Variants in ASTN2 observed in about 807,000 individuals in gnomAD.
The protein encoded by ASTN2 is astrotactin-2.
In ASTN2, 54 loss-of-function variants were observed where a neutral mutation model predicts 139.8. That is an observed-to-expected ratio of 0.39 (90% CI 0.31 to 0.48). The LOEUF (loss-of-function observed/expected upper bound fraction) is 0.48, where lower values mean the gene tolerates loss of function less well. Ranked by LOEUF, ASTN2 falls within the 20% of genes least tolerant of loss-of-function variation. The probability of loss-of-function intolerance (pLI) is 0.95; values close to 1 mark genes in which losing one functional copy is unlikely to be tolerated. For synonymous variants in ASTN2, 756 were observed against 719.5 expected (o/e 1.05, Z -0.81); for missense variants, 1,565 against 1,725.1 (o/e 0.91, Z 1.64).
rs772040148 is a variant in ASTN2, at chr9:116,547,972, C to T, written c.3356-60472G>A. 6.1e-4 allele frequency among the ~76,000 whole-genome samples: 93 copies of T among 152,282 alleles called. 1 individual carries two copies. Among genetic ancestry groups the T allele is most frequent in the Admixed American group, 1.4e-3 (22 of 15,294 alleles). On this transcript the variant is annotated intron_variant, in intron 19 of 22. Coordinates refer to ENST00000313400, the MANE Select transcript of ASTN2 (RefSeq NM_001365068.1). ...ACACTCCCAACTCACCCCCACACAC[C>T]CTGCCCACCTGTCTCCACTCCTTGC...
intron 2 of ASTN2, among the ~76,000 whole-genome samples, chr9:117,232,563 C>A (rs2133059192): frequency 6.6e-6 from 1 of 152,286 alleles, no homozygotes; most frequent in East Asian, 1.9e-4. Context: ...TTTGCCAAGT[C>A]CTCCAAACTA....
chr9:116,578,840 G>T (rs1564130311), intron 19 of ASTN2: 1 of 151,952 alleles, frequency 6.6e-6, no homozygotes. Context: ...ATTGTCCACA[G>T]AATTACAGAA....
At chr9:117,162,562 A>G (rs114451509) in intron 3 of ASTN2, among the ~76,000 whole-genome samples, 1 of 152,208 alleles carries the variant, frequency 6.6e-6, no homozygotes, top group African/African-American at 2.4e-5. Context: ...GCCAGACTGT[A>G]TGAGCTCCAA....
intron 1 of ASTN2, among the ~76,000 whole-genome samples, chr9:117,369,620 AC>A: frequency 6.6e-6 from 1 of 152,240 alleles, no homozygotes; most frequent in South Asian, 2.1e-4. Context: ...TTTAGACTAA[AC>A]ACTCTTTGAA....
intron 7 of ASTN2, among the ~76,000 whole-genome samples, chr9:117,003,233 G>GACTATTT (rs1837241689): frequency 6.6e-6 from 1 of 152,100 alleles, no homozygotes; most frequent in Admixed American, 6.5e-5. Context: ...AACACGGGTG[G>GACTATTT]ACTATTTGGG....
chr9:117,335,619 T>C (rs17320002), intron 1 of ASTN2, among the ~76,000 whole-genome samples: 225 of 152,294 alleles, frequency 1.5e-3, no homozygotes, highest in African/African-American at 5.0e-3. Flanking sequence ...ATTTTGTTAA[T>C]GGGGAAATCA....
At chr9:116,752,745 G>A (rs1829431685) in intron 13 of ASTN2, among the ~76,000 whole-genome samples, 1 of 152,126 alleles carries the variant, frequency 6.6e-6, no homozygotes, top group African/African-American at 2.4e-5. Flanking sequence ...ATATACAGAT[G>A]GCAAATGAGC....
At chr9:117,176,273 GCACAGGA>G (rs879543959) in intron 3 of ASTN2, among the ~76,000 whole-genome samples, 8 of 151,990 alleles carry the variant, frequency 5.3e-5, no homozygotes, top group Non-Finnish European at 7.4e-5. Flanking sequence ...AAATTTAAAA[GCACAGGA>G]CACAGGACAA....
intron 19 of ASTN2, among the ~76,000 whole-genome samples, chr9:116,525,488 C>T (rs1402209510): frequency 2.0e-5 from 3 of 152,152 alleles, no homozygotes; most frequent in Non-Finnish European, 4.4e-5. Flanking sequence ...GTCTGAGAGC[C>T]TTTGCACCAC....
At chr9:117,277,020 T>C (rs1572303) in intron 2 of ASTN2, 146,735 of 152,314 alleles carry the variant, frequency 0.96, 70,866 homozygotes, top group East Asian at 1. Flanking sequence ...CATCTGTCAC[T>C]CCATTGACCT....
At chr9:117,035,878 C>T (rs762022395) in intron 6 of ASTN2, among the ~76,000 whole-genome samples, 2 of 152,144 alleles carry the variant, frequency 1.3e-5, no homozygotes, top group African/African-American at 2.4e-5. Flanking sequence ...AATGTATTCC[C>T]TTTTCCATTC....
chr9:117,009,549 C>T (rs1316268346), intron 6 of ASTN2, among the ~76,000 whole-genome samples: 1 of 152,088 alleles, frequency 6.6e-6, no homozygotes, highest in Non-Finnish European at 1.5e-5. Context: ...CAAACAGAAC[C>T]AGGCTTCACA....
chr9:116,639,047 A>G (rs1313779902), intron 17 of ASTN2, among the ~76,000 whole-genome samples: 1 of 152,210 alleles, frequency 6.6e-6, no homozygotes, highest in Non-Finnish European at 1.5e-5. Context: ...AGGATTAATC[A>G]CTACTAAAAC....
chr9:117,008,699 C>T (rs1837429679), intron 6 of ASTN2, among the ~76,000 whole-genome samples: 1 of 152,084 alleles, frequency 6.6e-6, no homozygotes, highest in Admixed American at 6.5e-5. Flanking sequence ...AATGATTAAA[C>T]ATTAAATTTC....
rs376568542 is a variant in ASTN2, at chr9:117,021,173, G to A, written c.1424-12914C>T. On this transcript the variant is annotated intron_variant, in intron 6 of 22. Coordinates refer to ENST00000313400, the MANE Select transcript of ASTN2 (RefSeq NM_001365068.1). Reference sequence around the variant, plus strand: ...TCCTCCTGTCTTGGCCTCCTAAAGTGTTGGGATTGCAGGTGTGAGCCACCA... The same window carrying A: ...TCCTCCTGTCTTGGCCTCCTAAAGTATTGGGATTGCAGGTGTGAGCCACCA... Among the ~76,000 whole-genome samples the A allele has an allele frequency of 2.6e-5, 4 of 152,252 alleles. No individual in the cohort carries two copies. In the East Asian group the frequency reaches 7.7e-4, roughly 29 times the overall value.
chr9:116,737,463 GTGAA>G (rs1191627434), intron 13 of ASTN2, among the ~76,000 whole-genome samples: 19 of 102,350 alleles, frequency 1.9e-4, no homozygotes, highest in Admixed American at 4.1e-4. Flanking sequence ...GTGTGTGTGT[GTGAA>G]TGTGTGTGTG....
At chr9:116,627,608 C>T (rs935052036) in intron 17 of ASTN2, among the ~76,000 whole-genome samples, 16 of 152,208 alleles carry the variant, frequency 1.1e-4, no homozygotes, top group African/African-American at 3.4e-4. Flanking sequence ...TTTTGCTGTT[C>T]CTAGCCCCAT....
chr9:117,208,506 A>G (rs1832013023), intron 3 of ASTN2, among the ~76,000 whole-genome samples: 1 of 152,096 alleles, frequency 6.6e-6, no homozygotes, highest in Non-Finnish European at 1.5e-5. Flanking sequence ...AGAAAGCCTC[A>G]AGTAAGTGAA....
At chr9:116,955,496 C>G (rs140029305) in intron 10 of ASTN2, among the ~76,000 whole-genome samples, 1 of 152,188 alleles carries the variant, frequency 6.6e-6, no homozygotes, top group Non-Finnish European at 1.5e-5. Context: ...AAGAGCTAGC[C>G]GATCCTGTTC....
Sources: allele counts gnomAD v4.1 joint callset (sites outside exome capture counted in the v4.1 genomes callset), GRCh38; gene constraint gnomAD v4.1.1; transcripts MANE v1.5; gene names NCBI Gene and HGNC (gene_info 2026-07-23, HGNC 2026-07-21).